Variants in MGAT4D observed in about 807,000 individuals in gnomAD.
MGAT4D encodes MGAT4 family member D, also known as alpha-1,3-mannosyl-glycoprotein 4-beta-N-acetylglucosaminyltransferase-like protein MGAT4D.
In MGAT4D, 34 loss-of-function variants were observed where a neutral mutation model predicts 15.9. The observed-to-expected ratio is 2.14, with a 90% CI of 1.62 to 2.84. The LOEUF is 2.84. Ranked by LOEUF, MGAT4D falls within the 30% of genes most tolerant of loss-of-function variation. The probability of loss-of-function intolerance (pLI) is 0.00; values close to 1 mark genes in which losing one functional copy is unlikely to be tolerated. For synonymous variants in MGAT4D, 112 were observed against 48.2 expected (o/e 2.33, Z -5.49); for missense variants, 327 against 140.2 (o/e 2.33, Z -6.73).
chr4:140,462,478 C>T (rs1485583941), intron 6 of MGAT4D: 1 of 152,452 alleles, frequency 6.6e-6, no homozygotes, highest in Non-Finnish European at 1.5e-5. Context: ...AACCATTTCC[C>T]CTAAGTCTTA....
At chr4:140,496,182 T>C (rs1056964223) in intron 1 of MGAT4D, among the ~76,000 whole-genome samples, 1 of 152,240 alleles carries the variant, frequency 6.6e-6, no homozygotes, top group Non-Finnish European at 1.5e-5. Flanking sequence ...TGGTGCTTTA[T>C]AAAAATCATT....
chr4:140,444,288 G>A (rs1729948175), intron 10 of MGAT4D, among the ~76,000 whole-genome samples: 1 of 151,986 alleles, frequency 6.6e-6, no homozygotes, highest in Non-Finnish European at 1.5e-5. Context: ...TGTGTCACGG[G>A]GGTTTGGTGT....
chr4:140,492,515 C>A (rs1002875732), intron 1 of MGAT4D, among the ~76,000 whole-genome samples: 1 of 152,028 alleles, frequency 6.6e-6, no homozygotes, highest in Admixed American at 6.6e-5. Flanking sequence ...GTAGTCCCAG[C>A]TACTCAGGAG....
At chr4:140,453,989 C>T (rs890956904) in intron 9 of MGAT4D, among the ~76,000 whole-genome samples, 4 of 151,246 alleles carry the variant, frequency 2.6e-5, no homozygotes, top group African/African-American at 9.7e-5. Flanking sequence ...TTTGCTCAAA[C>T]CCATTTATCA....
At chr4:140,456,744 G>T in intron 8 of MGAT4D, 25 bp from the exon 9 acceptor site, 1 of 628,350 alleles carries the variant, frequency 1.6e-6, no homozygotes, top group Non-Finnish European at 2.8e-6. Flanking sequence ...ACAATTAGAT[G>T]CAAATAATTC....
chr4:140,463,153 A>G (rs1731306513), intron 6 of MGAT4D, among the ~76,000 whole-genome samples: 1 of 152,138 alleles, frequency 6.6e-6, no homozygotes, highest in Non-Finnish European at 1.5e-5. Flanking sequence ...AAGTAGACGA[A>G]GCAGTGGGAA....
In MGAT4D at chr4:140,461,985, A is replaced by T; in HGVS notation, c.706T>A (p.Leu236Met). The T allele has an allele frequency of 1.4e-6, 1 of 701,482 alleles. No homozygotes were observed. 43.5% of individuals were successfully genotyped at this position (701,482 alleles called of 1,614,324 possible). A position where few individuals can be genotyped will look rare whatever the true frequency, so the allele number is the denominator to read the frequency against. Residue 236 changes from leucine to methionine, a missense_variant, in exon 7 of 11, where the codon TTG (leucine) becomes ATG (methionine). Coordinates refer to ENST00000511113, the MANE Select transcript of MGAT4D (RefSeq NM_001277353.2). The stretch of plus-strand genomic sequence containing the variant: ...TACAGCAACAAAATGCAAAAATCCA[A>T]TACCTGTTTGATTCGCCAACTAAAG... ...KLASWRIKQVLDFCILLLYAQ... is the reference protein window; with the variant it reads ...KLASWRIKQVMDFCILLLYAQ...
intron 1 of MGAT4D, among the ~76,000 whole-genome samples, chr4:140,485,236 T>C (rs1319158004): frequency 4.6e-5 from 7 of 152,028 alleles, no homozygotes; most frequent in Non-Finnish European, 8.8e-5. Context: ...AAATGATGAG[T>C]TCATGTCCTT....
At chr4:140,456,020 C>T (rs1560768390) in intron 9 of MGAT4D, among the ~76,000 whole-genome samples, 1 of 151,994 alleles carries the variant, frequency 6.6e-6, no homozygotes, top group African/African-American at 2.4e-5. Context: ...ACCTATAGTC[C>T]CAGTTACTGA....
chr4:140,484,170 GT>G (rs1732935759), intron 1 of MGAT4D, among the ~76,000 whole-genome samples: 1 of 151,980 alleles, frequency 6.6e-6, no homozygotes, highest in Admixed American at 6.6e-5. Flanking sequence ...CTGAAAAGAG[GT>G]TAATATCTAA....
chr4:140,473,805 C>A (rs1381285848), intron 4 of MGAT4D, among the ~76,000 whole-genome samples: 1 of 151,994 alleles, frequency 6.6e-6, no homozygotes, highest in African/African-American at 2.4e-5. Context: ...CTCAAATGAT[C>A]CTCCTGCTGC....
chr4:140,484,950 G>A (rs1272703922), intron 1 of MGAT4D, among the ~76,000 whole-genome samples: 1 of 152,188 alleles, frequency 6.6e-6, no homozygotes, highest in Non-Finnish European at 1.5e-5. Context: ...TACACTGTTG[G>A]TGGGACTGTA....
chr4:140,477,883 G>T (rs1327616500), intron 3 of MGAT4D, among the ~76,000 whole-genome samples: 1 of 152,130 alleles, frequency 6.6e-6, no homozygotes, highest in African/African-American at 2.4e-5. Flanking sequence ...CATAAACCAG[G>T]CACAAAATGA....
intron 9 of MGAT4D, among the ~76,000 whole-genome samples, chr4:140,454,633 C>T (rs1730681789): frequency 6.6e-6 from 1 of 152,042 alleles, no homozygotes; most frequent in African/African-American, 2.4e-5. Flanking sequence ...TGGGATGTAC[C>T]CTTTCCTCTT....
Position 140,459,578 on chromosome 4 carries a change from C to A in MGAT4D, c.811G>T (p.Asp271Tyr). 1.9e-6 allele frequency: 1 copy of A among 529,588 alleles called. No homozygotes were observed. The highest frequency in any genetic ancestry group is 3.3e-6 in the Non-Finnish European group (1 of 299,386). 32.8% of individuals were successfully genotyped at this position (529,588 alleles called of 1,614,324 possible). ...TTTGAACTGATATTACCTACAAAAT[C>A]TGTTATTTTTGTAAAGTACATCTCT... The part of the protein sequence containing the change: ...AKEMYFTKIT[D>Y]FVGNISSNNW... The change falls in exon 8 of 11, where the codon GAT becomes TAT. Residue 271 changes from aspartate (D) to tyrosine (Y), a missense_variant. Transcript: ENST00000511113.
intron 1 of MGAT4D, among the ~76,000 whole-genome samples, chr4:140,486,473 A>G (rs1202010478): frequency 1.3e-5 from 2 of 152,020 alleles, no homozygotes; most frequent in African/African-American, 4.8e-5. Context: ...TATTTCTCCT[A>G]ATGCTATCCC....
intron 7 of MGAT4D, among the ~76,000 whole-genome samples, chr4:140,459,934 T>C (rs1236784077): frequency 5.9e-5 from 9 of 151,672 alleles, no homozygotes; most frequent in Admixed American, 5.9e-4. Flanking sequence ...GGTTTTACCA[T>C]GCTGCCCAGG....
chr4:140,472,578 A>C (rs551842398), intron 4 of MGAT4D, among the ~76,000 whole-genome samples: 2 of 152,338 alleles, frequency 1.3e-5, no homozygotes, highest in South Asian at 2.1e-4. Context: ...CATGATGTAG[A>C]TAAATCTCTT....
intron 5 of MGAT4D, among the ~76,000 whole-genome samples, chr4:140,466,852 T>G (rs1330317843): frequency 6.6e-6 from 1 of 152,126 alleles, no homozygotes; most frequent in African/African-American, 2.4e-5. Context: ...ATAATGGGTA[T>G]GTATCACGAA....
Sources: gnomAD v4.1 joint callset for allele counts (sites outside exome capture counted in the v4.1 genomes callset) on GRCh38, gnomAD v4.1.1 for gene constraint, MANE v1.5 for transcripts, NCBI Gene and HGNC (gene_info 2026-07-23, HGNC 2026-07-21) for gene names.